LAMA5: variants seen among roughly 807,000 people sequenced by gnomAD.
LAMA5 encodes laminin subunit alpha 5, also known as laminin subunit alpha-5.
Under a neutral mutation model 433.4 loss-of-function variants are expected in LAMA5, and 260 were observed. The observed-to-expected ratio is 0.60, with a 90% CI of 0.54 to 0.66. LAMA5 has a LOEUF of 0.66. LAMA5 is among the 30% of genes least tolerant of loss of function. The probability of loss-of-function intolerance (pLI) is 0.00; values close to 1 mark genes in which losing one functional copy is unlikely to be tolerated. For synonymous variants in LAMA5, 2,620 were observed against 2,226.6 expected, an observed-to-expected ratio of 1.18 and a Z score of -4.97; for missense variants, 5,378 against 5,258.5, an observed-to-expected ratio of 1.02 and a Z score of -0.70.
chr20:62,347,771 G>A (rs996365067), intron 6 of LAMA5, among the ~76,000 whole-genome samples: 5 of 152,204 alleles, frequency 3.3e-5, no homozygotes, highest in African/African-American at 4.8e-5. Flanking sequence ...CTGCAGGGCC[G>A]TGCGTTCCCT....
chr20:62,352,919 C>G (rs1431438902), intron 3 of LAMA5: 1 of 501,106 alleles, frequency 2.0e-6, no homozygotes, highest in African/African-American at 2.0e-5. Context: ...AGATTCCTGG[C>G]GCCACAGCCC....
At chr20:62,356,879 C>T (rs1024006553) in intron 2 of LAMA5, among the ~76,000 whole-genome samples, 1 of 152,226 alleles carries the variant, frequency 6.6e-6, no homozygotes, top group Non-Finnish European at 1.5e-5. Context: ...CAGCAGCCAC[C>T]CCGCAGAGAC....
In LAMA5 at chr20:62,345,873, C is replaced by T. The variant is rs965627254; in HGVS notation, c.1422G>A (p.Thr474=). 2 of 1,553,616 alleles carry T rather than the reference C, an allele frequency of 1.3e-6. No individual in the cohort carries two copies. The highest frequency in any genetic ancestry group is 2.4e-5 in the South Asian group (2 of 84,270). ...GFTGFPSCYP[T]PSSSNDTREQ... ...CCCTGGTGTCATTGGAGGACGAGGG[C>T]GTCGCTGAGGGGAAGAGACACGCAT... is the stretch of plus-strand genomic sequence containing the variant. Residue 474 remains threonine, a synonymous_variant, in exon 11 of 80, where the codon ACG becomes ACA. Coordinates refer to ENST00000252999, the MANE Select transcript of LAMA5 (RefSeq NM_005560.6).
chr20:62,355,613 C>A (rs1160912707), intron 2 of LAMA5: 1 of 152,218 alleles, frequency 6.6e-6, no homozygotes, highest in Non-Finnish European at 1.5e-5. Flanking sequence ...GGCCTATTCA[C>A]CGGCTGCCAG....
chr20:62,325,272 G>A (rs1439666054), intron 41 of LAMA5, 44 bp downstream of exon 41: 1 of 1,310,616 alleles, frequency 7.6e-7, no homozygotes, highest in South Asian at 1.4e-5. Context: ...GGAAGGGTGT[G>A]CACAGGTGAG....
intron 32 of LAMA5, 119 bp downstream of exon 32, chr20:62,329,658 G>A: frequency 7.7e-7 from 1 of 1,300,534 alleles, no homozygotes; most frequent in South Asian, 1.4e-5. Context: ...CTGCTTTGCT[G>A]GGCACAAGGC....
chr20:62,313,398 C>G lies in LAMA5; in HGVS notation c.8721G>C (p.Glu2907Asp). Residue 2907 changes from glutamate to aspartate, a missense_variant, in exon 64 of 80, where the codon GAG becomes GAC. Glu to Asp is a conservative substitution (Grantham distance 45, BLOSUM62 2). Transcript: ENST00000252999. ...RGCIEMDTLNEEVVSLYNFER... is the reference protein window; with the variant it reads ...RGCIEMDTLNDEVVSLYNFER... ...CGAAGTTGTAGAGGCTGACCACCTC[C>G]TCATTCAGCGTGTCCATCTCGATGC... 6.2e-7 allele frequency: 1 copy of G among 1,608,310 alleles called. No individual in the cohort carries two copies. Among genetic ancestry groups the G allele is most frequent in the Admixed American group, 1.7e-5 (1 of 59,544 alleles).
chr20:62,338,181 C>A (rs772845963), intron 13 of LAMA5, 31 bp from the exon 14 acceptor site: 1 of 1,568,718 alleles, frequency 6.4e-7, no homozygotes, highest in Non-Finnish European at 8.7e-7. Flanking sequence ...CACGGTAGGC[C>A]AGGCCCACGG....
In LAMA5 at chr20:62,326,654, G is replaced by C. The variant is rs963746571; in HGVS notation, c.5298+23C>G. 7 of 1,598,034 alleles carry C rather than the reference G, an allele frequency of 4.4e-6. No individual in the cohort carries two copies. The African/African-American group carries it at 9.4e-5, about 21-fold the overall frequency. ...GAGCTGAGGTCCATGAGGGACCTGG[G>C]TGCCCAAGCCAGCTCCCCTCACCTC... On this transcript the variant is annotated intron_variant, in intron 40 of 79. Transcript: ENST00000252999.
At chr20:62,336,819 C>T (rs1443302201) in intron 16 of LAMA5, 33 bp from the exon 17 acceptor site, 1 of 1,608,486 alleles carries the variant, frequency 6.2e-7, no homozygotes, top group Admixed American at 1.7e-5. Flanking sequence ...CGGTCATTTC[C>T]CAGTGACCAA....
At chr20:62,312,360 G>A in intron 68 of LAMA5, 40 bp downstream of exon 68, 1 of 1,601,622 alleles carries the variant, frequency 6.2e-7, no homozygotes, top group Non-Finnish European at 8.5e-7. Context: ...GCCCCTGCAT[G>A]TCCACAGATG....
At chr20:62,314,461 C>G (rs201258162) in intron 61 of LAMA5, 21 bp from the exon 62 acceptor site, 1 of 1,612,860 alleles carries the variant, frequency 6.2e-7, no homozygotes, top group Non-Finnish European at 8.5e-7. Flanking sequence ...GACAGACACA[C>G]AGTCGGGATG....
chr20:62,337,996 T>A lies in LAMA5; in HGVS notation c.1891+20A>T, dbSNP rs1981970639. ...CCATGTGGGTGGCAGAACCCCTTCC[T>A]GCCCTGACCCTCTGCTCACCTTGGC... On this transcript the variant is annotated intron_variant, in intron 14 of 79. Coordinates refer to ENST00000252999, the MANE Select transcript of LAMA5 (RefSeq NM_005560.6). 6.3e-7 allele frequency: 1 copy of A among 1,595,234 alleles called. No individual in the cohort carries two copies. The highest frequency in any genetic ancestry group is 8.6e-7 in the Non-Finnish European group (1 of 1,168,730).
At chr20:62,313,271 G>C in intron 64 of LAMA5, 21 bp from the exon 65 acceptor site, 2 of 1,534,924 alleles carry the variant, frequency 1.3e-6, no homozygotes, top group Non-Finnish European at 1.8e-6. Flanking sequence ...GAGATTCTGG[G>C]GTCAGCGGAG....
At position 62,322,288 on chromosome 20, in the gene LAMA5, G is replaced by A; in HGVS notation, c.6327C>T (p.Leu2109=). The change falls in exon 47 of 80, where the codon CTC becomes CTT. Residue 2109 remains leucine (L), a synonymous_variant. Transcript: ENST00000252999. ...ACTCACGCCTGCAGCCCTGCTCAGG[G>A]AGCCCCCAGTAGCCAGGGGCACACT... ...CRECAPGYWG[L]PEQGCRRCQC... 3.1e-6 allele frequency: 5 copies of A among 1,598,818 alleles called. No individual in the cohort carries two copies. The highest frequency in any genetic ancestry group is 4.3e-6 in the Non-Finnish European group (5 of 1,175,460).
chr20:62,320,704 C>T (rs755668252), intron 49 of LAMA5, 35 bp from the exon 50 acceptor site: 12 of 1,612,222 alleles, frequency 7.4e-6, no homozygotes, highest in Non-Finnish European at 1.0e-5. Flanking sequence ...CTGCACTGGC[C>T]CGGGTTGGGG....
Position 62,318,725 on chromosome 20 carries a change from C to T in LAMA5, c.7043-75G>A, listed in dbSNP as rs1039686780. On this transcript the variant is annotated intron_variant, in intron 52 of 79. Coordinates refer to ENST00000252999, the MANE Select transcript of LAMA5 (RefSeq NM_005560.6). ...ATGACCCCTGGTCTCCACTTGGTGC[C>T]CGCCAGATCCATCTGCCCCGTGATG... 4 of 1,573,092 alleles carry T rather than the reference C, an allele frequency of 2.5e-6. No homozygotes were observed. In the African/African-American group the frequency reaches 5.4e-5, roughly 21 times the overall value.
rs1163398351 is a variant in LAMA5, at chr20:62,330,795, G to A, written c.3800C>T (p.Pro1267Leu). 3 of 1,559,392 alleles carry A rather than the reference G, an allele frequency of 1.9e-6. No individual in the cohort carries two copies. The African/African-American group carries it at 4.1e-5, about 21-fold the overall frequency. ...AMSPAGPRPR[P>L]PTAVDPDAEP... ...TGCATCAGGGTCCACAGCGGTGGGG[G>A]GCCGAGGTCGGGGTCCAGCTGGGGA... is the stretch of plus-strand genomic sequence containing the variant. The change falls in exon 30 of 80, where the codon CCC becomes CTC. Residue 1267 changes from proline to leucine, a missense_variant. Pro to Leu is a moderately conservative substitution (Grantham distance 98, BLOSUM62 -3). Coordinates refer to ENST00000252999, the MANE Select transcript of LAMA5 (RefSeq NM_005560.6).
chr20:62,333,033 G>T, intron 26 of LAMA5, 57 bp downstream of exon 26: 1 of 1,419,408 alleles, frequency 7.0e-7, no homozygotes, highest in Non-Finnish European at 9.3e-7. Flanking sequence ...AGGACCCCCA[G>T]CCCCCAGGCC....
Sources: allele counts gnomAD v4.1 joint callset (sites outside exome capture counted in the v4.1 genomes callset), GRCh38; gene constraint gnomAD v4.1.1; transcripts MANE v1.5; gene names NCBI Gene and HGNC (gene_info 2026-07-23, HGNC 2026-07-21).